Variants in SATB1 observed in about 807,000 individuals in gnomAD.
SATB1 encodes SATB homeobox 1.
SATB1 carries 11 observed loss-of-function variants against 86.9 expected under a neutral mutation model. The ratio of observed to expected loss-of-function variants is 0.13; its 90% CI spans 0.08 to 0.21. The LOEUF (loss-of-function observed/expected upper bound fraction) is 0.21. Ranked by LOEUF, SATB1 falls within the 10% of genes least tolerant of loss-of-function variation. SATB1 has a pLI of 1.00. For missense variants in SATB1, 551 were observed against 937.6 expected (o/e 0.59, Z 5.39); for synonymous variants, 357 against 357.2 (o/e 1.00, Z 0.01).
intron 5 of SATB1, among the ~76,000 whole-genome samples, chr3:18,401,148 T>C (rs1697245222): frequency 6.6e-6 from 1 of 152,186 alleles, no homozygotes; most frequent in Non-Finnish European, 1.5e-5. Flanking sequence ...TATTTTGCAC[T>C]GGACTGTGGG....
At chr3:18,437,318 A>C (rs1699098667) in intron 1 of SATB1, among the ~76,000 whole-genome samples, 1 of 152,098 alleles carries the variant, frequency 6.6e-6, no homozygotes, top group African/African-American at 2.4e-5. Flanking sequence ...AGAAAAAAAA[A>C]CAGGAGAAAA....
In SATB1 at chr3:18,398,240, C is replaced by G. The variant is rs528259207; in HGVS notation, c.640-950G>C. On this transcript the variant is annotated intron_variant, in intron 5 of 10. Transcript: ENST00000338745. ...TTTAAATCATTTTCAATCTTCCCAG[C>G]AAATTTTGGTTACGGTAATTTCAAT... Among the ~76,000 whole-genome samples, 11 of 152,154 alleles carry G rather than the reference C, an allele frequency of 7.2e-5. No homozygotes were observed. In the East Asian group the frequency reaches 1.9e-3, roughly 27 times the overall value.
intron 5 of SATB1, among the ~76,000 whole-genome samples, chr3:18,405,346 T>C (rs2125136561): frequency 6.6e-6 from 1 of 152,060 alleles, no homozygotes; most frequent in South Asian, 2.1e-4. Context: ...GATTACAATT[T>C]CTAGTATCTG....
chr3:18,379,644 G>GTACGGAGATCA (rs1695942966), intron 8 of SATB1, among the ~76,000 whole-genome samples: 1 of 152,182 alleles, frequency 6.6e-6, no homozygotes, highest in Admixed American at 6.5e-5. Flanking sequence ...CGTACTTAAA[G>GTACGGAGATCA]CATAAATAGG....
chr3:18,414,077 C>T (rs1697998999), intron 5 of SATB1, among the ~76,000 whole-genome samples: 1 of 152,100 alleles, frequency 6.6e-6, no homozygotes, highest in African/African-American at 2.4e-5. Context: ...GAAATGTTTA[C>T]AGCAGCATCC....
chr3:18,357,541 AT>A (rs10539857), intron 9 of SATB1, among the ~76,000 whole-genome samples: 52,372 of 135,464 alleles, frequency 0.39, 10,110 homozygotes, highest in East Asian at 0.44. Flanking sequence ...ATAGAGGGCA[AT>A]TTTTTTTTTT....
At chr3:18,405,833 T>A (rs557706580) in intron 5 of SATB1, among the ~76,000 whole-genome samples, 9 of 151,980 alleles carry the variant, frequency 5.9e-5, no homozygotes, top group African/African-American at 2.2e-4. Flanking sequence ...TTATTCATCA[T>A]TGTCAGCTTT....
At chr3:18,398,676 G>C (rs573724454) in intron 5 of SATB1, among the ~76,000 whole-genome samples, 2 of 152,108 alleles carry the variant, frequency 1.3e-5, no homozygotes, top group South Asian at 4.2e-4. Flanking sequence ...AGCTGGAGTC[G>C]CATTATTTAT....
chr3:18,439,781 A>G (rs982601752), upstream of SATB1, among the ~76,000 whole-genome samples: 3 of 152,214 alleles, frequency 2.0e-5, no homozygotes, highest in Non-Finnish European at 4.4e-5. Flanking sequence ...TTCTCAAGTT[A>G]ATTGTGAGTT....
intron 1 of SATB1, chr3:18,445,284 C>T (rs1181452376): frequency 1.0e-5 from 10 of 983,352 alleles, no homozygotes; most frequent in Non-Finnish European, 1.2e-5. Context: ...CCGAGCCGAG[C>T]CCGAGCCGCC....
In SATB1 at chr3:18,391,173, C is replaced by T. The variant is rs571866909; in HGVS notation, c.1206+3289G>A. On this transcript the variant is annotated intron_variant, in intron 7 of 10. Transcript: ENST00000338745. ...GAGGGTAATGTGTTAATATAGGGAA[C>T]CCTATTAAGATGATAAGAAAATTCT... 4.1e-4 allele frequency among the ~76,000 whole-genome samples: 63 copies of T among 152,020 alleles called. 1 individual carries two copies. Among genetic ancestry groups the T allele is most frequent in the African/African-American group, 1.5e-3 (61 of 41,482 alleles).
chr3:18,395,159 T>G (rs1696902135), intron 6 of SATB1, among the ~76,000 whole-genome samples: 1 of 152,178 alleles, frequency 6.6e-6, no homozygotes, highest in Admixed American at 6.5e-5. Flanking sequence ...GGTTTAGATT[T>G]AAGGCATAAA....
intron 10 of SATB1, chr3:18,350,488 T>A (rs1444113830): frequency 6.6e-6 from 1 of 152,356 alleles, no homozygotes; most frequent in African/African-American, 2.4e-5. Context: ...ATGTGACACA[T>A]GCACATACTG....
intron 5 of SATB1, among the ~76,000 whole-genome samples, chr3:18,402,931 T>C (rs891503460): frequency 3.9e-5 from 6 of 152,008 alleles, no homozygotes; most frequent in African/African-American, 9.7e-5. Context: ...AACTGGAAAA[T>C]GTATAGTCAT....
chr3:18,404,749 C>G (rs776958624), intron 5 of SATB1, among the ~76,000 whole-genome samples: 1 of 152,022 alleles, frequency 6.6e-6, no homozygotes, highest in East Asian at 1.9e-4. Context: ...CTATTCTGCC[C>G]TTTTGTATAA....
rs1180700640 is a variant in SATB1, at chr3:18,417,024, T to C, written c.266A>G (p.Tyr89Cys). Residue 89 changes from tyrosine (Y) to cysteine (C), a missense_variant, in exon 3 of 11, where the codon TAT (tyrosine) becomes TGT (cysteine). By Grantham distance (194) the Tyr-to-Cys change is radical (BLOSUM62 -2). Around this residue, in one of 8 missense-constraint regions of SATB1, gnomAD observed 153 missense variants for 258.1 expected, o/e 0.59. Coordinates refer to ENST00000338745, the MANE Select transcript of SATB1 (RefSeq NM_002971.6). ...TTCTGCATGCTCCTCCTTGCAATCATATTCAATGGCGTTTTCATAATGTTC... is the reference window on the plus strand; with the variant it reads ...TTCTGCATGCTCCTCCTTGCAATCACATTCAATGGCGTTTTCATAATGTTC... ...VVEHYENAIE[Y>C]DCKEEHAEFV... 6.2e-7 allele frequency: 1 copy of C among 1,613,498 alleles called. No individual in the cohort carries two copies. The highest frequency in any genetic ancestry group is 8.5e-7 in the Non-Finnish European group (1 of 1,179,706).
At chr3:18,383,323 T>C (rs937521652) in intron 8 of SATB1, among the ~76,000 whole-genome samples, 4 of 152,180 alleles carry the variant, frequency 2.6e-5, no homozygotes, top group African/African-American at 9.7e-5. Context: ...AGTCCTTCAA[T>C]AGTTTAGGTC....
chr3:18,359,934 T>C (rs891485924), intron 9 of SATB1, among the ~76,000 whole-genome samples: 3 of 152,092 alleles, frequency 2.0e-5, no homozygotes, highest in East Asian at 3.9e-4. Flanking sequence ...TTGTCAGAAC[T>C]GGAGCACCTC....
intron 10 of SATB1, chr3:18,350,285 A>G (rs1694285636): frequency 6.6e-6 from 1 of 152,540 alleles, no homozygotes; most frequent in South Asian, 2.1e-4. Flanking sequence ...TTTCTTACCG[A>G]ATTGCACTAG....
Sources: allele counts gnomAD v4.1 joint callset (sites outside exome capture counted in the v4.1 genomes callset), GRCh38; gene constraint gnomAD v4.1.1; regional missense constraint gnomAD v4.1.1; transcripts MANE v1.5; gene names NCBI Gene and HGNC (gene_info 2026-07-23, HGNC 2026-07-21).